The following MCF2 variants were observed in gnomAD, a reference collection of about 807,000 sequenced individuals.
MCF2 encodes the protein proto-oncogene DBL.
Under a neutral mutation model 82.5 loss-of-function variants are expected in MCF2, and 44 were observed. The ratio of observed to expected loss-of-function variants is 0.53; its 90% CI spans 0.42 to 0.69. The LOEUF (loss-of-function observed/expected upper bound fraction) is 0.69. Ranked by LOEUF, MCF2 falls within the 30% of genes least tolerant of loss-of-function variation. The pLI is 0.00. For missense variants in MCF2, 623 were observed against 663.1 expected (o/e 0.94, Z 0.66); for synonymous variants, 217 against 224.9 (o/e 0.96, Z 0.32).
At position 139,699,607 on chromosome X, in the gene MCF2, G is replaced by A. The variant is rs575027289; in HGVS notation, c.-45+8499C>T. On this transcript the variant is annotated intron_variant, in intron 1 of 27. Transcript: ENST00000414978. ...TCATGTAGATGGAATCCTGTAATAT[G>A]TAACTTTTATATTTGGATTCTTTCA... is the stretch of plus-strand genomic sequence containing the variant. 3.2e-3 allele frequency among the ~76,000 whole-genome samples: 354 copies of A among 112,127 alleles called. 2 individuals are homozygous for A. The highest frequency in any genetic ancestry group is 0.011 in the African/African-American group (335 of 30,887).
At chrX:139,651,357 G>C (rs1934005193) in intron 2 of MCF2, among the ~76,000 whole-genome samples, 1 of 111,091 alleles carries the variant, frequency 9.0e-6, no homozygotes, top group African/African-American at 3.3e-5. Context: ...ACACATTTGA[G>C]TAATCAAAGA....
intron 7 of MCF2, among the ~76,000 whole-genome samples, chrX:139,617,935 A>G (rs944215128): frequency 3.6e-5 from 4 of 110,939 alleles, no homozygotes; most frequent in African/African-American, 6.5e-5. Context: ...TGATGTCATT[A>G]GAAGCTCATG....
intron 1 of MCF2, among the ~76,000 whole-genome samples, chrX:139,692,332 CG>C (rs1203140970): frequency 9.0e-6 from 1 of 111,288 alleles, no homozygotes; most frequent in African/African-American, 3.3e-5. Context: ...GCCAGTCCTC[CG>C]GAGCCCCCCT....
rs10578610 is a variant in MCF2, at chrX:139,614,507, ATGTGTGTGTGTGTG to A, written c.1363+360_1363+373del. 6.8e-3 allele frequency among the ~76,000 whole-genome samples: 705 copies of A among 103,012 alleles called. 5 individuals are homozygous for A. Among genetic ancestry groups the A allele is most frequent in the African/African-American group, 0.023 (656 of 28,454 alleles). 89.5% of individuals were successfully genotyped at this position (103,012 alleles called of 115,157 possible). A position where few individuals can be genotyped will look rare whatever the true frequency, so the allele number is the denominator to read the frequency against. On this transcript the variant is annotated intron_variant, in intron 10 of 24. Coordinates refer to ENST00000370576, the Ensembl canonical transcript of MCF2. ...TTGCTTATCTAGAGTAGCAGTAAAT[ATGTGTGTGTGTGTG>A]TGTGTGTGTGTGTGTGTGTGCATGC... is the stretch of plus-strand genomic sequence containing the variant.
intron 10 of MCF2, among the ~76,000 whole-genome samples, chrX:139,612,627 C>T: frequency 9.0e-6 from 1 of 110,832 alleles, no homozygotes; most frequent in East Asian, 2.8e-4. Context: ...TTTGAGTTGA[C>T]CAAATTTTAT....
At chrX:139,587,277 T>C (rs1929056007) in intron 22 of MCF2, among the ~76,000 whole-genome samples, 1 of 110,971 alleles carries the variant, frequency 9.0e-6, no homozygotes, top group Non-Finnish European at 1.9e-5. Context: ...TCTCTCTATG[T>C]AGAGAGAGGC....
intron 1 of MCF2, among the ~76,000 whole-genome samples, chrX:139,680,293 G>C (rs749360597): frequency 9.0e-6 from 1 of 111,393 alleles, no homozygotes; most frequent in Non-Finnish European, 1.9e-5. Flanking sequence ...CCGGCTAATT[G>C]TGTGGGTTTT....
chrX:139,613,717 A>T (rs1321673019), intron 10 of MCF2, among the ~76,000 whole-genome samples: 2 of 110,983 alleles, frequency 1.8e-5, no homozygotes, highest in Non-Finnish European at 3.8e-5. Flanking sequence ...TTATTCTCAT[A>T]GCTATCGGGT....
intron 12 of MCF2, among the ~76,000 whole-genome samples, chrX:139,606,145 C>T (rs1044313648): frequency 9.2e-5 from 10 of 108,152 alleles, no homozygotes; most frequent in African/African-American, 3.4e-4. Context: ...TAAAAACTCA[C>T]AATAACTATT....
At chrX:139,613,221 G>A in intron 10 of MCF2, 2 of 1,143,845 alleles carry the variant, frequency 1.7e-6, no homozygotes, top group Non-Finnish European at 2.3e-6. Context: ...GGTACCTTTT[G>A]AAAAAAGTTT....
intron 2 of MCF2, among the ~76,000 whole-genome samples, chrX:139,651,098 C>T (rs1015333479): frequency 4.6e-5 from 5 of 109,855 alleles, no homozygotes; most frequent in African/African-American, 1.4e-4. Flanking sequence ...CCTGAAACTC[C>T]GGAGATGGTG....
intron 16 of MCF2, among the ~76,000 whole-genome samples, chrX:139,600,215 C>T (rs1930436307): frequency 2.7e-5 from 3 of 111,145 alleles, no homozygotes; most frequent in South Asian, 7.5e-4. Context: ...GTGATAAAAA[C>T]ATGGTTGTAC....
intron 19 of MCF2, among the ~76,000 whole-genome samples, chrX:139,595,753 T>TA (rs747840211): frequency 9.2e-5 from 10 of 108,657 alleles, no homozygotes; most frequent in East Asian, 2.9e-4. Flanking sequence ...AAATAAAAAA[T>TA]AAAAAAAAAT....
chrX:139,583,829 T>G (rs999391548), intron 24 of MCF2, among the ~76,000 whole-genome samples: 1 of 111,812 alleles, frequency 8.9e-6, no homozygotes, highest in Non-Finnish European at 1.9e-5. Flanking sequence ...TTTTCAAGGA[T>G]GTAAAGGCTT....
chrX:139,632,274 A>G, intron 2 of MCF2, 61 bp downstream of exon 5: 8 of 908,163 alleles, frequency 8.8e-6, no homozygotes, highest in Non-Finnish European at 1.2e-5. Context: ...AAATATAAAC[A>G]GCATGGTACA....
Position 139,676,987 on chromosome X carries a change from C to T in MCF2, c.-44-25199G>A, listed in dbSNP as rs140203328. Among the ~76,000 whole-genome samples the T allele has an allele frequency of 2.9e-3, 323 of 111,442 alleles. 1 individual carries two copies. Among genetic ancestry groups the T allele is most frequent in the Non-Finnish European group, 4.8e-3 (256 of 53,043 alleles). On this transcript the variant is annotated intron_variant, in intron 1 of 27. Coordinates refer to the MCF2 transcript ENST00000414978. ...AGCCAGTGCCAAGGAAAGGCCATCT[C>T]CCAATAAACAGAAACATCTGAAACT... is the stretch of plus-strand genomic sequence containing the variant.
intron 1 of MCF2, among the ~76,000 whole-genome samples, chrX:139,671,075 A>AT (rs1934674030): frequency 8.9e-6 from 1 of 111,829 alleles, no homozygotes; most frequent in South Asian, 3.8e-4. Flanking sequence ...GATGATGAGC[A>AT]TTTTTTCATG....
chrX:139,585,098 C>G, exon 24 of MCF2: 1 of 1,201,582 alleles, frequency 8.3e-7, no homozygotes, highest in Non-Finnish European at 1.1e-6. Flanking sequence ...TCATTTTCAT[C>G]ATAAGTAGGG....
chrX:139,689,662 T>TTTTTTTTTTTTTTGA (rs1569402957), intron 1 of MCF2, among the ~76,000 whole-genome samples: 7 of 108,702 alleles, frequency 6.4e-5, no homozygotes, highest in African/African-American at 2.0e-4. Context: ...CTTATTTCCT[T>TTTTTTTTTTTTTTGA]GCCTGGAATA....
Sources: gnomAD v4.1 joint callset for allele counts (sites outside exome capture counted in the v4.1 genomes callset) on GRCh38, gnomAD v4.1.1 for gene constraint, MANE v1.5 for transcripts, NCBI Gene and HGNC (gene_info 2026-07-23, HGNC 2026-07-21) for gene names.